TAS2R42: variants seen among roughly 807,000 people sequenced by gnomAD.
TAS2R42 encodes the protein taste 2 receptor member 42.
For missense variants in TAS2R42, 356 were observed against 356.9 expected (o/e 1.00, Z 0.02); for synonymous variants, 138 against 133.0 (o/e 1.04, Z -0.26).
Position 11,186,161 on chromosome 12 carries a change from C to T in TAS2R42, c.777G>A (p.Met259Ile). Residue 259 changes from methionine (M) to isoleucine (I), a missense_variant, in exon 1 of 1, where the codon ATG becomes ATA. Met to Ile is a conservative substitution (Grantham distance 10). Transcript: ENST00000334266. Reference protein sequence around the residue: ...SLQVANWIFFMLWNNKCIKFV... With the variant: ...SLQVANWIFFILWNNKCIKFV... ...ACTTTATGCACTTGTTGTTCCACAACATAAAAAATATCCAATTGGCCACTT... is the reference window on the plus strand; with the variant it reads ...ACTTTATGCACTTGTTGTTCCACAATATAAAAAATATCCAATTGGCCACTT... 1 of 1,613,648 alleles carries T rather than the reference C, an allele frequency of 6.2e-7. No individual in the cohort carries two copies. Among genetic ancestry groups the T allele is most frequent in the Non-Finnish European group, 8.5e-7 (1 of 1,179,836 alleles).
Position 11,186,770 on chromosome 12 carries a change from A to C in TAS2R42, c.168T>G (p.Ile56Met). The C allele has an allele frequency of 6.2e-7, 1 of 1,614,116 alleles. No individual in the cohort carries two copies. Among genetic ancestry groups the C allele is most frequent in the African/African-American group, 1.3e-5 (1 of 75,048 alleles). The change falls in exon 1 of 1, where the codon ATT becomes ATG. Residue 56 changes from isoleucine to methionine, a missense_variant. Physicochemically the swap from Ile to Met is conservative, Grantham distance 10. Coordinates refer to ENST00000334266, the MANE Select transcript of TAS2R42 (RefSeq NM_181429.2). ...FILTCLAIST[I>M]GQLLVILFDS... is the part of the protein sequence containing the mutation. ...CAAACAGTATCACCAACAGTTGTCC[A>C]ATTGTGGAGATAGCCAAGCAGGTGA...
chr12:11,186,234 A>G lies in TAS2R42; in HGVS notation c.704T>C (p.Met235Thr). 6.2e-7 allele frequency: 1 copy of G among 1,613,674 alleles called. No homozygotes were observed. Among genetic ancestry groups the G allele is most frequent in the African/African-American group, 1.3e-5 (1 of 74,936 alleles). ...STEAHRRAMK[M>T]VMSFLFLFIV... ...GAAGAGGAAAAGGAAAGACATCACCATTTTCATGGCCCTCCTATGGGCCTC... is the reference window on the plus strand; with the variant it reads ...GAAGAGGAAAAGGAAAGACATCACCGTTTTCATGGCCCTCCTATGGGCCTC... Residue 235 changes from methionine (M) to threonine (T), a missense_variant, in exon 1 of 1, where the codon ATG (methionine) becomes ACG (threonine). Met to Thr is a moderately conservative substitution (Grantham distance 81, BLOSUM62 -1). Coordinates refer to ENST00000334266, the MANE Select transcript of TAS2R42 (RefSeq NM_181429.2).
In TAS2R42 at chr12:11,186,789, C is replaced by T. The variant is rs1260382225; in HGVS notation, c.149G>A (p.Cys50Tyr). The change falls in exon 1 of 1, where the codon TGC becomes TAC. Residue 50 changes from cysteine (C) to tyrosine (Y), a missense_variant. Cys to Tyr is a radical substitution (Grantham distance 194). Transcript: ENST00000334266. ...KVFSADFILT[C>Y]LAISTIGQLL... ...TTGTCCAATTGTGGAGATAGCCAAG[C>T]AGGTGAGGATGAAGTCAGCTGAGAA... The T allele has an allele frequency of 6.2e-7, 1 of 1,614,006 alleles. No homozygotes were observed.
chr12:11,186,462 A>G lies in TAS2R42; in HGVS notation c.476T>C (p.Ile159Thr), dbSNP rs1323152757. The G allele has an allele frequency of 6.2e-7, 1 of 1,608,582 alleles. No individual in the cohort carries two copies. Among genetic ancestry groups the G allele is most frequent in the Non-Finnish European group, 8.5e-7 (1 of 1,176,392 alleles). Residue 159 changes from isoleucine (I) to threonine (T), a missense_variant, in exon 1 of 1, where the codon ATA becomes ACA. By Grantham distance (89) the Ile-to-Thr change is moderately conservative. Transcript: ENST00000334266. ...EIFIDISLNI[I>T]DKSNLTLYLD... Reference sequence around the variant, plus strand: ...ATATAAAGTCAGATTACTTTTATCTATTATATTGAGTGAGATATCAATAAA... The same window carrying G: ...ATATAAAGTCAGATTACTTTTATCTGTTATATTGAGTGAGATATCAATAAA...
rs144512624 is a variant in TAS2R42 at position 11,186,026 on chromosome 12, G to A, written c.912C>T (p.Asn304=). The change falls in exon 1 of 1, where the codon AAC becomes AAT. Residue 304 remains asparagine, a synonymous_variant. Coordinates refer to ENST00000334266, the MANE Select transcript of TAS2R42 (RefSeq NM_181429.2). ...TAVRLLWHLR[N]YTKTPNPLPL is the part of the protein sequence containing the mutation. Reference sequence around the variant, plus strand: ...GTAAAGGGTTTGGTGTTTTTGTATAGTTCCTAAGATGCCACAGTAGCCTCA... The same window carrying A: ...GTAAAGGGTTTGGTGTTTTTGTATAATTCCTAAGATGCCACAGTAGCCTCA... 2 of 1,612,178 alleles carry A rather than the reference G, an allele frequency of 1.2e-6. No individual in the cohort carries two copies. Among genetic ancestry groups the A allele is most frequent in the Non-Finnish European group, 8.5e-7 (1 of 1,179,296 alleles).
rs779618264 is a variant in TAS2R42, at chr12:11,186,653, C to G, written c.285G>C (p.Leu95Phe). The G allele has an allele frequency of 9.9e-6, 16 of 1,613,904 alleles. No homozygotes were observed. Among genetic ancestry groups the G allele is most frequent in the Non-Finnish European group, 1.4e-5 (16 of 1,180,008 alleles). ...VIMLWHMTNH[L>F]TTWLATCLSI... ...TTAGGCAGGTGGCAAGCCAGGTTGT[C>G]AAGTGATTAGTCATGTGCCAAAGCA... Residue 95 changes from leucine to phenylalanine, a missense_variant, in exon 1 of 1, where the codon TTG (leucine) becomes TTC (phenylalanine). Physicochemically the swap from Leu to Phe is conservative, Grantham distance 22 (BLOSUM62 0). Transcript: ENST00000334266.
chr12:11,186,087 AGAATAAATGAGTGGCACGAGG>A lies in TAS2R42; in HGVS notation c.830_850del (p.Pro277_Ile283del). On this transcript the variant is annotated inframe_deletion, in exon 1 of 1. Transcript: ENST00000334266. ...TTGCAGCTTGCTGTTTCCCAGAATG[AGAATAAATGAGTGGCACGAGG>A]GAAAGGCATTTAAGGCTAACATGAC... is the stretch of plus-strand genomic sequence containing the variant. 3.1e-6 allele frequency: 5 copies of A among 1,614,036 alleles called. No homozygotes were observed. Among genetic ancestry groups the A allele is most frequent in the Non-Finnish European group, 4.2e-6 (5 of 1,179,950 alleles).
chr12:11,186,307 T>A lies in TAS2R42; in HGVS notation c.631A>T (p.Thr211Ser), dbSNP rs759193450. 32 of 1,613,840 alleles carry A rather than the reference T, an allele frequency of 2.0e-5. 1 individual carries two copies. The South Asian group carries it at 3.4e-4, about 17-fold the overall frequency. Reference sequence around the variant, plus strand: ...AAGGAACTGAGCTTCAAATTTCTAGTATGTCTCACCAAGGACAGAAATAAA... The same window carrying A: ...AAGGAACTGAGCTTCAAATTTCTAGAATGTCTCACCAAGGACAGAAATAAA... ...LFLFLSLVRH[T>S]RNLKLSSLGS... Residue 211 changes from threonine to serine, a missense_variant, in exon 1 of 1, where the codon ACT becomes TCT. Physicochemically the swap from Thr to Ser is moderately conservative, Grantham distance 58 (BLOSUM62 1). Coordinates refer to ENST00000334266, the MANE Select transcript of TAS2R42 (RefSeq NM_181429.2).
chr12:11,186,245 C>G lies in TAS2R42; in HGVS notation c.693G>C (p.Arg231Ser), dbSNP rs751433641. 11 of 1,613,856 alleles carry G rather than the reference C, an allele frequency of 6.8e-6. No individual in the cohort carries two copies. The highest frequency in any genetic ancestry group is 1.7e-4 in the Middle Eastern group (1 of 6,056). ...SRDSSTEAHR[R>S]AMKMVMSFLF... ...GGAAAGACATCACCATTTTCATGGC[C>G]CTCCTATGGGCCTCTGTGCTGGAGT... The change falls in exon 1 of 1, where the codon AGG (arginine) becomes AGC (serine). Residue 231 changes from arginine to serine, a missense_variant. Transcript: ENST00000334266.
At position 11,186,149 on chromosome 12, in the gene TAS2R42, G is replaced by T; in HGVS notation, c.789C>A (p.Asn263Lys). The change falls in exon 1 of 1, where the codon AAC becomes AAA. Residue 263 changes from asparagine to lysine, a missense_variant. Transcript: ENST00000334266. ...CTAACATGACAAACTTTATGCACTT[G>T]TTGTTCCACAACATAAAAAATATCC... is the stretch of plus-strand genomic sequence containing the variant. ...ANWIFFMLWN[N>K]KCIKFVMLAL... 1 of 1,613,858 alleles carries T rather than the reference G, an allele frequency of 6.2e-7. No individual in the cohort carries two copies. The highest frequency in any genetic ancestry group is 8.5e-7 in the Non-Finnish European group (1 of 1,179,876).
chr12:11,186,180 G>A lies in TAS2R42; in HGVS notation c.758C>T (p.Ala253Val), dbSNP rs1592149495. The change falls in exon 1 of 1, where the codon GCC (alanine) becomes GTC (valine). Residue 253 changes from alanine to valine, a missense_variant. Ala to Val is a moderately conservative substitution (Grantham distance 64). Coordinates refer to ENST00000334266, the MANE Select transcript of TAS2R42 (RefSeq NM_181429.2). ...FIVHFFSLQV[A>V]NWIFFMLWNN... ...CCACAACATAAAAAATATCCAATTGGCCACTTGTAAGGAAAAAAAATGAAC... is the reference window on the plus strand; with the variant it reads ...CCACAACATAAAAAATATCCAATTGACCACTTGTAAGGAAAAAAAATGAAC... 6.2e-7 allele frequency: 1 copy of A among 1,613,704 alleles called. No homozygotes were observed. Among genetic ancestry groups the A allele is most frequent in the East Asian group, 2.2e-5 (1 of 44,864 alleles).
chr12:11,186,193 A>G lies in TAS2R42; in HGVS notation c.745T>C (p.Ser249Pro), dbSNP rs1242012312. Residue 249 changes from serine to proline, a missense_variant, in exon 1 of 1, where the codon TCC (serine) becomes CCC (proline). Transcript: ENST00000334266. ...AATATCCAATTGGCCACTTGTAAGG[A>G]AAAAAAATGAACTATGAAGAGGAAA... ...FLFLFIVHFF[S>P]LQVANWIFFM... The G allele has an allele frequency of 6.2e-7, 1 of 1,604,032 alleles. No individual in the cohort carries two copies. The highest frequency in any genetic ancestry group is 1.7e-5 in the Admixed American group (1 of 59,392).
Position 11,186,000 on chromosome 12 carries a change from G to C in TAS2R42, c.938C>G (p.Pro313Arg). Residue 313 changes from proline to arginine, a missense_variant, in exon 1 of 1, where the codon CCT (proline) becomes CGT (arginine). By Grantham distance (103) the Pro-to-Arg change is moderately radical. Coordinates refer to ENST00000334266, the MANE Select transcript of TAS2R42 (RefSeq NM_181429.2). ...AGCTTCTGTAAAGTCTGTCTACAAA[G>C]GTAAAGGGTTTGGTGTTTTTGTATA... ...RNYTKTPNPL[P>R]L The C allele has an allele frequency of 6.3e-7, 1 of 1,594,648 alleles. No individual in the cohort carries two copies.
Position 11,186,895 on chromosome 12 carries a change from C to T in TAS2R42, c.43G>A (p.Ala15Thr), listed in dbSNP as rs775492299. ...LDKIFLILAI[A>T]EFIISMLGNV... ...CCCAGCATGCTGATGATGAATTCTG[C>T]TATTGCCAGAATCAGAAAGATTTTG... Residue 15 changes from alanine to threonine, a missense_variant, in exon 1 of 1, where the codon GCA (alanine) becomes ACA (threonine). Ala to Thr is a moderately conservative substitution (Grantham distance 58). Transcript: ENST00000334266. 3.1e-6 allele frequency: 5 copies of T among 1,613,424 alleles called. No individual in the cohort carries two copies.
Position 11,186,250 on chromosome 12 carries a change from T to A in TAS2R42, c.688A>T (p.Arg230Trp). Residue 230 changes from arginine (R) to tryptophan (W), a missense_variant, in exon 1 of 1, where the codon AGG becomes TGG. By Grantham distance (101) the Arg-to-Trp change is moderately radical. Coordinates refer to ENST00000334266, the MANE Select transcript of TAS2R42 (RefSeq NM_181429.2). Reference sequence around the variant, plus strand: ...GACATCACCATTTTCATGGCCCTCCTATGGGCCTCTGTGCTGGAGTCTCTA... The same window carrying A: ...GACATCACCATTTTCATGGCCCTCCAATGGGCCTCTGTGCTGGAGTCTCTA... ...GSRDSSTEAH[R>W]RAMKMVMSFL... 1.2e-6 allele frequency: 2 copies of A among 1,613,906 alleles called. No individual in the cohort carries two copies. Among genetic ancestry groups the A allele is most frequent in the Non-Finnish European group, 1.7e-6 (2 of 1,179,870 alleles).
the TAS2R42 span, chr12:11,186,156 C>T: frequency 2.0e-4 from 316 of 1,613,696 alleles, 1 homozygote; most frequent in African/African-American, 3.3e-3. Context: ...CTTGTTGTTC[C>T]ACAACATAAA....
rs1253993128 is a variant in TAS2R42 at position 11,186,059 on chromosome 12, C to CTTT, written c.878_879insAAA (p.Gln293_Thr294insLys). The CTTT allele has an allele frequency of 6.2e-7, 1 of 1,613,962 alleles. No individual in the cohort carries two copies. The highest frequency in any genetic ancestry group is 1.7e-5 in the Admixed American group (1 of 59,982). ...GATGCCACAGTAGCCTCACAGCTGT[C>CTTT]TGTTGCAGCTTGCTGTTTCCCAGAA... On this transcript the variant is annotated inframe_insertion, in exon 1 of 1. Transcript: ENST00000334266.
chr12:11,186,509 A>G lies in TAS2R42; in HGVS notation c.429T>C (p.Phe143=). The G allele has an allele frequency of 6.2e-7, 1 of 1,613,684 alleles. No homozygotes were observed. Among genetic ancestry groups the G allele is most frequent in the African/African-American group, 1.3e-5 (1 of 75,006 alleles). The change falls in exon 1 of 1, where the codon TTT becomes TTC. Residue 143 remains phenylalanine (F), a synonymous_variant. Transcript: ENST00000334266. ...LLILSLFLLI[F]DSLVLEIFID... ...TAAATATTTCTAGCACTAAACTGTC[A>G]AAAATCAGTAAGAACAAAGACAATA...
Position 11,186,766 on chromosome 12 carries a change from G to C in TAS2R42, c.172C>G (p.Gln58Glu). ...LTCLAISTIG[Q>E]LLVILFDSFL... ...GAATCAAACAGTATCACCAACAGTT[G>C]TCCAATTGTGGAGATAGCCAAGCAG... Residue 58 changes from glutamine (Q) to glutamate (E), a missense_variant, in exon 1 of 1, where the codon CAA becomes GAA. Gln to Glu is a conservative substitution (Grantham distance 29). Transcript: ENST00000334266. 6.2e-7 allele frequency: 1 copy of C among 1,614,086 alleles called. No individual in the cohort carries two copies. The highest frequency in any genetic ancestry group is 8.5e-7 in the Non-Finnish European group (1 of 1,180,006).
Sources: allele counts gnomAD v4.1 joint callset, GRCh38; gene constraint gnomAD v4.1.1; transcripts MANE v1.5; gene names NCBI Gene and HGNC (gene_info 2026-07-23, HGNC 2026-07-21).